Variants in UBE2E3 observed in about 807,000 individuals in gnomAD.
UBE2E3 encodes the protein ubiquitin-conjugating enzyme E2 E3.
A neutral mutation model predicts 23.6 loss-of-function variants in UBE2E3; 5 were observed. That is an observed-to-expected ratio of 0.21 (90% confidence interval 0.11 to 0.44). The LOEUF (loss-of-function observed/expected upper bound fraction) is 0.44, where lower values mean the gene tolerates loss of function less well. Ranked by LOEUF, UBE2E3 falls within the 20% of genes least tolerant of loss-of-function variation. The pLI is 0.99. For synonymous variants in UBE2E3, 78 were observed against 87.5 expected (o/e 0.89, Z 0.60); for missense variants, 81 against 249.8 (o/e 0.32, Z 4.55).
At chr2:181,006,282 A>C (rs1408057859) in intron 3 of UBE2E3, among the ~76,000 whole-genome samples, 2 of 152,156 alleles carry the variant, frequency 1.3e-5, no homozygotes, top group Admixed American at 6.5e-5. Context: ...GTTTAAGGCC[A>C]TAGAGTTTGC....
At chr2:181,016,974 T>C (rs1317190460) in intron 3 of UBE2E3, among the ~76,000 whole-genome samples, 1 of 152,188 alleles carries the variant, frequency 6.6e-6, no homozygotes, top group Non-Finnish European at 1.5e-5. Flanking sequence ...GTTCTAAGAA[T>C]TGTGCTTGAA....
At chr2:181,060,320 C>T (rs543855676) in intron 4 of UBE2E3, among the ~76,000 whole-genome samples, 31 of 151,724 alleles carry the variant, frequency 2.0e-4, no homozygotes, top group Admixed American at 6.6e-4. Context: ...TTCTTTTCTT[C>T]CTCACTTTCT....
intron 3 of UBE2E3, among the ~76,000 whole-genome samples, chr2:181,005,114 T>C (rs778339282): frequency 1.3e-5 from 2 of 152,234 alleles, no homozygotes; most frequent in Non-Finnish European, 2.9e-5. Flanking sequence ...ATAAATTTGT[T>C]GGCTCACATA....
intron 3 of UBE2E3, among the ~76,000 whole-genome samples, chr2:181,047,540 C>G (rs912473002): frequency 5.9e-5 from 9 of 152,154 alleles, no homozygotes; most frequent in Non-Finnish European, 1.2e-4. Context: ...TACATTATCT[C>G]AGTCATAGCA....
chr2:181,049,625 G>A (rs1369549390), intron 3 of UBE2E3, among the ~76,000 whole-genome samples: 1 of 151,970 alleles, frequency 6.6e-6, no homozygotes, highest in African/African-American at 2.4e-5. Flanking sequence ...TATAGTAATA[G>A]TTTTGAAGAA....
At chr2:181,037,453 T>C (rs1686331344) in intron 3 of UBE2E3, among the ~76,000 whole-genome samples, 1 of 152,164 alleles carries the variant, frequency 6.6e-6, no homozygotes, top group African/African-American at 2.4e-5. Flanking sequence ...ACAGTAGTGA[T>C]ATATATGCTC....
rs916769026 is a variant in UBE2E3, at chr2:181,021,167, G to A, written c.246-36526G>A. 2.6e-5 allele frequency among the ~76,000 whole-genome samples: 4 copies of A among 152,212 alleles called. No individual in the cohort carries two copies. In the East Asian group the frequency reaches 7.7e-4, roughly 29 times the overall value. On this transcript the variant is annotated intron_variant, in intron 3 of 5. Transcript: ENST00000410062. ...CTTTCACATATAGTAATGTAGTTGCGACTACGAAACATGAGATTAGTCAGG... is the reference window on the plus strand; with the variant it reads ...CTTTCACATATAGTAATGTAGTTGCAACTACGAAACATGAGATTAGTCAGG...
At chr2:180,984,431 A>G (rs542207385) in intron 3 of UBE2E3, among the ~76,000 whole-genome samples, 1 of 152,332 alleles carries the variant, frequency 6.6e-6, no homozygotes, top group South Asian at 2.1e-4. Context: ...CTTTAAAGTT[A>G]CTGCTTGTGT....
At chr2:181,021,637 T>TTCCTTCCTTCCC (rs1685701248) in intron 3 of UBE2E3, among the ~76,000 whole-genome samples, 1 of 99,392 alleles carries the variant, frequency 1.0e-5, no homozygotes, top group South Asian at 4.5e-4. Context: ...CCTTTTTTCC[T>TTCCTTCCTTCCC]TCCTTCCTTC....
At chr2:181,012,437 C>G (rs1489208757) in intron 3 of UBE2E3, among the ~76,000 whole-genome samples, 4 of 152,094 alleles carry the variant, frequency 2.6e-5, no homozygotes, top group African/African-American at 9.7e-5. Context: ...TAAAGAATGT[C>G]AAGGGATGTG....
intron 3 of UBE2E3, among the ~76,000 whole-genome samples, chr2:181,029,659 C>CTTTTTTTTTTTTT (rs61149975): frequency 8.6e-6 from 1 of 116,850 alleles, no homozygotes. Context: ...TGTAGACAAT[C>CTTTTTTTTTTTTT]TTTTTTTTTT....
At chr2:180,995,663 T>TA (rs1559114541) in intron 3 of UBE2E3, among the ~76,000 whole-genome samples, 1 of 152,128 alleles carries the variant, frequency 6.6e-6, no homozygotes, top group South Asian at 2.1e-4. Context: ...TGGTATAGTT[T>TA]AATATCTTTC....
At chr2:180,983,445 CTCTT>C (rs1039390071) in intron 2 of UBE2E3, among the ~76,000 whole-genome samples, 2 of 152,180 alleles carry the variant, frequency 1.3e-5, no homozygotes, top group Non-Finnish European at 2.9e-5. Context: ...GTATTTTCTC[CTCTT>C]TCTCTCAATG....
Position 181,061,419 on chromosome 2 carries a change from G to A in UBE2E3, c.526+607G>A, listed in dbSNP as rs201031159. ...ATTACAGGCGTGAGCCACCGCGCCCGGCCGACCACTTCTAACAAGAGTAAA... is the reference window on the plus strand; with the variant it reads ...ATTACAGGCGTGAGCCACCGCGCCCAGCCGACCACTTCTAACAAGAGTAAA... On this transcript the variant is annotated intron_variant, in intron 5 of 5. Coordinates refer to ENST00000410062, the MANE Select transcript of UBE2E3 (RefSeq NM_006357.4). Among the ~76,000 whole-genome samples, 2 of 8,154 alleles carry A rather than the reference G, an allele frequency of 2.5e-4. 1 individual carries two copies. The highest frequency in any genetic ancestry group is 1.7e-3 in the African/African-American group (2 of 1,158). The allele number at this position is 8,154 out of a possible 152,430, so 5.3% of individuals were successfully genotyped here.
intron 3 of UBE2E3, among the ~76,000 whole-genome samples, chr2:181,028,112 G>T (rs1182001564): frequency 6.6e-6 from 1 of 151,700 alleles, no homozygotes; most frequent in Non-Finnish European, 1.5e-5. Context: ...ATTACTAAAC[G>T]GCATATATTG....
intron 3 of UBE2E3, among the ~76,000 whole-genome samples, chr2:181,045,538 TTGAATCATGGC>T (rs1235785826): frequency 6.6e-6 from 1 of 152,188 alleles, no homozygotes; most frequent in Non-Finnish European, 1.5e-5. Context: ...TCCAGTTGTT[TTGAATCATGGC>T]TGAGCATTTT....
chr2:181,043,463 A>G (rs1244491400), intron 3 of UBE2E3, among the ~76,000 whole-genome samples: 1 of 152,208 alleles, frequency 6.6e-6, no homozygotes, highest in Non-Finnish European at 1.5e-5. Context: ...TAAGATGTAC[A>G]TGAAACATAA....
At chr2:181,046,844 A>G (rs1231312372) in intron 3 of UBE2E3, among the ~76,000 whole-genome samples, 1 of 152,154 alleles carries the variant, frequency 6.6e-6, no homozygotes, top group Non-Finnish European at 1.5e-5. Flanking sequence ...GTGCCTTTAC[A>G]GCACTCTTAG....
At chr2:181,006,638 T>G (rs1389787529) in intron 3 of UBE2E3, among the ~76,000 whole-genome samples, 1 of 152,036 alleles carries the variant, frequency 6.6e-6, no homozygotes, top group African/African-American at 2.4e-5. Flanking sequence ...GTAATTAAAC[T>G]TTTGATTTTG....
Sources: gnomAD v4.1 joint callset for allele counts (sites outside exome capture counted in the v4.1 genomes callset) on GRCh38, gnomAD v4.1.1 for gene constraint, MANE v1.5 for transcripts, NCBI Gene and HGNC (gene_info 2026-07-23, HGNC 2026-07-21) for gene names.